Variants in EPHA5 observed in about 807,000 individuals in gnomAD.
EPHA5 encodes ephrin type-A receptor 5.
Under a neutral mutation model 105.0 loss-of-function variants are expected in EPHA5, and 60 were observed. The observed-to-expected ratio is 0.57, with a 90% CI of 0.46 to 0.71. The LOEUF (loss-of-function observed/expected upper bound fraction) is 0.71. Among genes scored for constraint, EPHA5 ranks in the 30% least tolerant of loss-of-function variants. The probability of loss-of-function intolerance (pLI) is 0.00; values close to 1 mark genes in which losing one functional copy is unlikely to be tolerated. For synonymous variants in EPHA5, 513 were observed against 449.1 expected (o/e 1.14, Z -1.80); for missense variants, 1,218 against 1,274.7 (o/e 0.96, Z 0.68).
chr4:65,387,168 G>A (rs2148945162), intron 8 of EPHA5, among the ~76,000 whole-genome samples: 1 of 152,016 alleles, frequency 6.6e-6, no homozygotes, highest in Admixed American at 6.6e-5. Flanking sequence ...GTGGAAGCAG[G>A]ATTGATAGTG....
At chr4:65,651,139 A>G (rs1193602422) in intron 1 of EPHA5, among the ~76,000 whole-genome samples, 1 of 152,204 alleles carries the variant, frequency 6.6e-6, no homozygotes, top group Non-Finnish European at 1.5e-5. Flanking sequence ...GAATGGATGT[A>G]TTTCCTGGAA....
At chr4:65,557,784 T>C (rs1397983021) in intron 3 of EPHA5, among the ~76,000 whole-genome samples, 5 of 152,090 alleles carry the variant, frequency 3.3e-5, no homozygotes, top group African/African-American at 1.2e-4. Context: ...AAAGGGCTAG[T>C]GTAATGTGAG....
intron 7 of EPHA5, 101 bp from the exon 8 acceptor site, chr4:65,404,580 A>G (rs1235134068): frequency 2.1e-6 from 2 of 931,330 alleles, no homozygotes; most frequent in Non-Finnish European, 3.3e-6. Flanking sequence ...GATTTAAGCA[A>G]TTTACCCACA....
At chr4:65,561,188 T>TA (rs913608847) in intron 3 of EPHA5, among the ~76,000 whole-genome samples, 2,164 of 147,404 alleles carry the variant, frequency 0.015, 45 homozygotes, top group African/African-American at 0.046. Flanking sequence ...ACACAAACAT[T>TA]AAAAAAAAAA....
chr4:65,527,503 TAAG>T (rs1735352147), intron 3 of EPHA5, among the ~76,000 whole-genome samples: 1 of 152,214 alleles, frequency 6.6e-6, no homozygotes, highest in Middle Eastern at 3.4e-3. Flanking sequence ...TATGACAGAA[TAAG>T]AAGTAGAGTC....
chr4:65,351,979 G>A (rs550799757), intron 12 of EPHA5, among the ~76,000 whole-genome samples: 1 of 152,128 alleles, frequency 6.6e-6, no homozygotes, highest in South Asian at 2.1e-4. Flanking sequence ...ACATATTAAG[G>A]TAAAGAAGAA....
chr4:65,523,293 T>G (rs970214124), intron 3 of EPHA5, among the ~76,000 whole-genome samples: 2 of 151,934 alleles, frequency 1.3e-5, no homozygotes, highest in African/African-American at 4.8e-5. Flanking sequence ...CGTGCTTCTT[T>G]AAGTAAAGTG....
chr4:65,639,282 A>G (rs114907014), intron 2 of EPHA5, among the ~76,000 whole-genome samples: 2,899 of 152,306 alleles, frequency 0.019, 97 homozygotes, highest in African/African-American at 0.067. Context: ...ATTTATTTTG[A>G]TCATTTATAG....
At chr4:65,416,255 A>G (rs1319310369) in intron 6 of EPHA5, among the ~76,000 whole-genome samples, 1 of 152,104 alleles carries the variant, frequency 6.6e-6, no homozygotes, top group African/African-American at 2.4e-5. Flanking sequence ...GGCCTCAATG[A>G]CAGCATTAGA....
chr4:65,376,696 C>A (rs576745071), intron 8 of EPHA5, among the ~76,000 whole-genome samples: 8 of 151,922 alleles, frequency 5.3e-5, no homozygotes, highest in African/African-American at 1.9e-4. Flanking sequence ...CTTCATGGAA[C>A]AACAAAAATG....
chr4:65,477,058 T>A lies in EPHA5; in HGVS notation c.1402+13319A>T, dbSNP rs191040981. Among the ~76,000 whole-genome samples, 666 of 152,282 alleles carry A rather than the reference T, an allele frequency of 4.4e-3. 17 individuals carry two copies. The highest frequency in any genetic ancestry group is 0.04 in the Admixed American group (611 of 15,292). ...CATCATTTATGAACTATTTTAACAA[T>A]CACGAGTGGTAAGAACTGTTGTGCT... On this transcript the variant is annotated intron_variant, in intron 5 of 16. Transcript: ENST00000613740.
chr4:65,418,553 A>C (rs1202982538), intron 6 of EPHA5, among the ~76,000 whole-genome samples: 1 of 152,168 alleles, frequency 6.6e-6, no homozygotes, highest in African/African-American at 2.4e-5. Context: ...TTTTTGAAGT[A>C]TGTGTCATCA....
chr4:65,419,581 C>A (rs976531295), intron 6 of EPHA5, among the ~76,000 whole-genome samples: 2 of 152,102 alleles, frequency 1.3e-5, no homozygotes, highest in Non-Finnish European at 2.9e-5. Flanking sequence ...GTTTGGGTAC[C>A]CATCTATCTT....
intron 5 of EPHA5, among the ~76,000 whole-genome samples, chr4:65,464,372 C>T (rs531349020): frequency 2.8e-4 from 43 of 152,102 alleles, no homozygotes; most frequent in African/African-American, 8.9e-4. Context: ...ATATGTGATA[C>T]TTGGCTCAGG....
chr4:65,561,777 C>A (rs1334201303), intron 3 of EPHA5, among the ~76,000 whole-genome samples: 1 of 151,934 alleles, frequency 6.6e-6, no homozygotes, highest in African/African-American at 2.4e-5. Flanking sequence ...GTGGAATGAA[C>A]CACAAGAGGT....
intron 8 of EPHA5, among the ~76,000 whole-genome samples, chr4:65,392,449 T>A (rs1198681389): frequency 6.6e-6 from 1 of 152,122 alleles, no homozygotes; most frequent in Non-Finnish European, 1.5e-5. Flanking sequence ...TCATAAAATT[T>A]ATTTTTCTTA....
intron 14 of EPHA5, among the ~76,000 whole-genome samples, chr4:65,342,813 G>A (rs1474148746): frequency 6.6e-6 from 1 of 151,792 alleles, no homozygotes; most frequent in Admixed American, 6.6e-5. Context: ...AATGAAACAA[G>A]GAATAGAAGG....
chr4:65,347,508 A>T (rs1722335363), intron 14 of EPHA5, among the ~76,000 whole-genome samples: 3 of 152,138 alleles, frequency 2.0e-5, no homozygotes, highest in Admixed American at 1.3e-4. Flanking sequence ...TAATTTTAGG[A>T]TTCTATTATT....
intron 3 of EPHA5, among the ~76,000 whole-genome samples, chr4:65,495,894 C>T (rs1053736481): frequency 3.3e-5 from 5 of 152,070 alleles, no homozygotes; most frequent in African/African-American, 1.2e-4. Flanking sequence ...ATTACTACAA[C>T]TATGTTGAAG....
Sources: allele counts gnomAD v4.1 joint callset (sites outside exome capture counted in the v4.1 genomes callset), GRCh38; gene constraint gnomAD v4.1.1; transcripts MANE v1.5; gene names NCBI Gene and HGNC (gene_info 2026-07-23, HGNC 2026-07-21).